The following GSK3A variants were observed in gnomAD, a reference collection of about 807,000 sequenced individuals.
GSK3A encodes glycogen synthase kinase-3 alpha.
Under a neutral mutation model 56.6 loss-of-function variants are expected in GSK3A, and 14 were observed. The observed-to-expected ratio is 0.25, with a 90% CI of 0.16 to 0.39. The LOEUF is 0.39. Ranked by LOEUF, GSK3A falls within the 10% of genes least tolerant of loss-of-function variation. The pLI is 1.00. For missense variants in GSK3A, 450 were observed against 656.0 expected (o/e 0.69, Z 3.43); for synonymous variants, 301 against 285.0 (o/e 1.06, Z -0.56).
At chr19:42,237,372 T>C (rs980806714) in intron 2 of GSK3A, among the ~76,000 whole-genome samples, 23 of 151,456 alleles carry the variant, frequency 1.5e-4, no homozygotes, top group African/African-American at 4.8e-4. Context: ...TTAGCCAGGA[T>C]GGTCTCGATC....
At position 42,242,211 on chromosome 19, in the gene GSK3A, G is replaced by A. The variant is rs999429276; in HGVS notation, c.255C>T (p.Ser85=). The A allele has an allele frequency of 6.9e-7, 1 of 1,441,156 alleles. No individual in the cohort carries two copies. The highest frequency in any genetic ancestry group is 9.1e-7 in the Non-Finnish European group (1 of 1,101,690). 89.3% of individuals were successfully genotyped at this position (1,441,156 alleles called of 1,614,324 possible). The change falls in exon 1 of 11, where the codon AGC becomes AGT. Residue 85 remains serine (S), a synonymous_variant. Transcript: ENST00000222330. ...CCAGCTTCACCCCGGGCGGCGGGAA[G>A]CTAGTGCCTGCGCCGGGGCCTCCGC... ...GGSGGPGAGT[S]FPPPGVKLGR...
chr19:42,232,761 C>T (rs944526590), intron 8 of GSK3A, 79 bp from the exon 9 acceptor site: 1 of 1,224,840 alleles, frequency 8.2e-7, no homozygotes, highest in Non-Finnish European at 1.1e-6. Flanking sequence ...TGCCACAGTG[C>T]CTGCGGCAAG....
At position 42,236,863 on chromosome 19, in the gene GSK3A, C is replaced by T; in HGVS notation, c.550G>A (p.Glu184Lys). ...CCACCACCTCGAGATCTCACCTTCT[C>T]GCCACTGGAGTAGAAAAAGTATCTC... Reference protein sequence around the residue: ...RLRYFFYSSGEKKDELYLNLV... With the variant: ...RLRYFFYSSGKKKDELYLNLV... The change falls in exon 3 of 11, where the codon GAG becomes AAG. Residue 184 changes from glutamate (E) to lysine (K), a missense_variant. Physicochemically the swap from Glu to Lys is moderately conservative, Grantham distance 56. Coordinates refer to ENST00000222330, the MANE Select transcript of GSK3A (RefSeq NM_019884.3). The T allele has an allele frequency of 6.2e-7, 1 of 1,609,914 alleles. No homozygotes were observed. Among genetic ancestry groups the T allele is most frequent in the Non-Finnish European group, 8.5e-7 (1 of 1,176,174 alleles).
chr19:42,240,811 C>T (rs1474180499), intron 1 of GSK3A: 1 of 152,334 alleles, frequency 6.6e-6, no homozygotes, highest in East Asian at 1.9e-4. Flanking sequence ...GTGGGTGGTC[C>T]CTAATGGACA....
intron 3 of GSK3A, 33 bp from the exon 4 acceptor site, chr19:42,236,749 G>A (rs1270469131): frequency 1.3e-6 from 2 of 1,535,264 alleles, no homozygotes; most frequent in Admixed American, 3.3e-5. Context: ...GTGAGGCACT[G>A]TGAGAAGAGT....
chr19:42,236,997 C>T (rs1343344831), intron 2 of GSK3A, 56 bp from the exon 3 acceptor site: 21 of 1,191,066 alleles, frequency 1.8e-5, no homozygotes, highest in Non-Finnish European at 2.5e-5. Context: ...CTGCTCCTCC[C>T]TACTCACACT....
At position 42,230,442 on chromosome 19, in the gene GSK3A, GGAAGA is replaced by G. The variant is rs2036215194; in HGVS notation, c.*347_*351del. On this transcript the variant is annotated 3_prime_UTR_variant, in exon 11 of 11. Coordinates refer to ENST00000222330, the MANE Select transcript of GSK3A (RefSeq NM_019884.3). ...TATTTACACCCGGGGGCCAGGGAAG[GGAAGA>G]GGAGACGGGCTGGGCTGGTTCTATT... 2 of 314,360 alleles carry G rather than the reference GGAAGA, an allele frequency of 6.4e-6. No homozygotes were observed. Among genetic ancestry groups the G allele is most frequent in the Non-Finnish European group, 1.2e-5 (2 of 168,278 alleles). The allele number at this position is 314,360 out of a possible 1,614,324, so 19.5% of individuals were successfully genotyped here.
At chr19:42,239,875 C>T in intron 2 of GSK3A, 80 bp downstream of exon 2, 4 of 1,188,744 alleles carry the variant, frequency 3.4e-6, no homozygotes, top group Non-Finnish European at 4.9e-6. Flanking sequence ...GAAACCCAAG[C>T]CTCCAGCTCT....
chr19:42,237,118 G>GC (rs1386358290), intron 2 of GSK3A, among the ~76,000 whole-genome samples, 177 bp from the exon 3 acceptor site: 1 of 150,712 alleles, frequency 6.6e-6, no homozygotes, highest in African/African-American at 2.4e-5. Flanking sequence ...GGAGCTGGAA[G>GC]CCCACAGGTT....
At chr19:42,237,528 C>A (rs896470645) in intron 2 of GSK3A, among the ~76,000 whole-genome samples, 2 of 151,612 alleles carry the variant, frequency 1.3e-5, no homozygotes, top group Non-Finnish European at 2.9e-5. Context: ...TTATTGCTGA[C>A]ATGTAAAAGC....
At chr19:42,233,258 C>T (rs1421931810) in intron 7 of GSK3A, 28 bp downstream of exon 7, 2 of 1,472,228 alleles carry the variant, frequency 1.4e-6, no homozygotes, top group Non-Finnish European at 1.9e-6. Context: ...CAGCCCCACC[C>T]CCTGCCCAGC....
rs1272034395 is a variant in GSK3A, at chr19:42,234,158, G to T, written c.904+195C>A. Among the ~76,000 whole-genome samples the T allele has an allele frequency of 1.3e-5, 2 of 152,232 alleles. No individual in the cohort carries two copies. Among genetic ancestry groups the T allele is most frequent in the Admixed American group, 6.5e-5 (1 of 15,280 alleles). On this transcript the variant is annotated intron_variant, in intron 6 of 10. Coordinates refer to ENST00000222330, the MANE Select transcript of GSK3A (RefSeq NM_019884.3). This position sits in a 1 kb window ranked among gnomAD's most constrained non-coding sequence, Gnocchi z 5.7. ...GTCCTGCCCAGTCCTAGTGGTGCCA[G>T]TGCGGGCAGGCGGCCTCACAGCTCT... is the stretch of plus-strand genomic sequence containing the variant.
chr19:42,242,376 T>G lies in GSK3A; in HGVS notation c.90A>C (p.Gly30=). The G allele has an allele frequency of 7.2e-7, 1 of 1,391,444 alleles. No individual in the cohort carries two copies. The highest frequency in any genetic ancestry group is 1.5e-5 in the South Asian group (1 of 65,028). The allele number at this position is 1,391,444 out of a possible 1,614,324, so 86.2% of individuals were successfully genotyped here. A position where few individuals can be genotyped will look rare whatever the true frequency, so the allele number is the denominator to read the frequency against. ...AGCCTCCGGGGCCGCCGCCGCCTCCTCCGCCTCCGCCGCCGGGCTCCGCGA... is the reference window on the plus strand; with the variant it reads ...AGCCTCCGGGGCCGCCGCCGCCTCCGCCGCCTCCGCCGCCGGGCTCCGCGA... ...SSFAEPGGGG[G]GGGGGPGGSA... Residue 30 remains glycine (G), a synonymous_variant, in exon 1 of 11, where the codon GGA becomes GGC. Coordinates refer to ENST00000222330, the MANE Select transcript of GSK3A (RefSeq NM_019884.3).
intron 1 of GSK3A, 199 bp from the exon 2 acceptor site, chr19:42,240,341 C>T: frequency 3.3e-6 from 2 of 609,858 alleles, no homozygotes; most frequent in South Asian, 3.8e-5. Context: ...ATCTTAAGTC[C>T]TGCTCCCCTC....
rs2036235227 is a variant in GSK3A, at chr19:42,233,143, C to T, written c.1065G>A (p.Lys355=). The change falls in exon 8 of 11, where the codon AAG becomes AAA. Residue 355 remains lysine, a synonymous_variant. Transcript: ENST00000222330. ...AGGGGTGAGCTTTAATCTGAGGGAACTTGAACTCCGTGTAGTTGGGGTTCA... is the reference window on the plus strand; with the variant it reads ...AGGGGTGAGCTTTAATCTGAGGGAATTTGAACTCCGTGTAGTTGGGGTTCA... The part of the protein sequence containing the change: ...REMNPNYTEF[K]FPQIKAHPWT... 3 of 1,607,284 alleles carry T rather than the reference C, an allele frequency of 1.9e-6. No homozygotes were observed. The highest frequency in any genetic ancestry group is 2.6e-6 in the Non-Finnish European group (3 of 1,176,280).
At position 42,230,758 on chromosome 19, in the gene GSK3A, T is replaced by C; in HGVS notation, c.*36A>G. The stretch of plus-strand genomic sequence containing the variant: ...CCCCCTTCCCAGCCCCTCTTGGGGC[T>C]CCCAGATGGAAGTGGAAGGGTGCTT... On this transcript the variant is annotated 3_prime_UTR_variant, in exon 11 of 11. Transcript: ENST00000222330. 1 of 1,487,340 alleles carries C rather than the reference T, an allele frequency of 6.7e-7. No individual in the cohort carries two copies. Among genetic ancestry groups the C allele is most frequent in the African/African-American group, 1.4e-5 (1 of 71,892 alleles). 92.1% of individuals were successfully genotyped at this position (1,487,340 alleles called of 1,614,324 possible).
Position 42,242,466 on chromosome 19 carries a change from G to A in GSK3A, c.-1C>T, listed in dbSNP as rs1472815024. On this transcript the variant is annotated 5_prime_UTR_variant, in exon 1 of 11. Coordinates refer to ENST00000222330, the MANE Select transcript of GSK3A (RefSeq NM_019884.3). ...CTCCCGAAGGCCCGCCGCCGCTCAT[G>A]GCGCCGAGCACAGGCCCAGGCTGCG... The A allele has an allele frequency of 1.6e-6, 2 of 1,223,530 alleles. No individual in the cohort carries two copies. Among genetic ancestry groups the A allele is most frequent in the Admixed American group, 4.2e-5 (1 of 23,888 alleles). The allele number at this position is 1,223,530 out of a possible 1,614,324, so 75.8% of individuals were successfully genotyped here. A position where few individuals can be genotyped will look rare whatever the true frequency, so the allele number is the denominator to read the frequency against.
chr19:42,241,058 C>G (rs982528377), intron 1 of GSK3A: 1 of 151,978 alleles, frequency 6.6e-6, no homozygotes, highest in African/African-American at 2.4e-5. Context: ...TGCAGTGGCA[C>G]GATCTCGACT....
intron 1 of GSK3A, chr19:42,241,002 GT>G (rs574785495): frequency 1.0e-4 from 15 of 145,156 alleles, no homozygotes; most frequent in East Asian, 2.0e-4. Context: ...CCATTTTTTT[GT>G]TTTTTTTTTT....
Sources: allele counts gnomAD v4.1 joint callset (sites outside exome capture counted in the v4.1 genomes callset), GRCh38; gene constraint gnomAD v4.1.1; non-coding constraint Gnocchi (gnomAD v3.1); transcripts MANE v1.5; gene names NCBI Gene and HGNC (gene_info 2026-07-23, HGNC 2026-07-21).